The following CFAP61 variants were observed in gnomAD, a reference collection of about 807,000 sequenced individuals.
CFAP61 encodes the protein cilia and flagella associated protein 61.
Under a neutral mutation model 135.6 loss-of-function variants are expected in CFAP61, and 107 were observed. The ratio of observed to expected loss-of-function variants is 0.79; its 90% CI spans 0.67 to 0.93. The LOEUF (loss-of-function observed/expected upper bound fraction) is 0.93, where lower values mean the gene tolerates loss of function less well. CFAP61 is among the 40% of genes least tolerant of loss of function. The probability of loss-of-function intolerance (pLI) is 0.00; values close to 1 mark genes in which losing one functional copy is unlikely to be tolerated. For missense variants in CFAP61, 1,507 were observed against 1,556.2 expected, an observed-to-expected ratio of 0.97 and a Z score of 0.53; for synonymous variants, 575 against 578.5, an observed-to-expected ratio of 0.99 and a Z score of 0.09.
rs183257279 is a variant in CFAP61 at position 20,052,778 on chromosome 20, G to A, written c.-37+187G>A. ...TGGATGCTCGAGGGCGGGGGAAGAA[G>A]GGAGAGCGAGGAAACTACCATTCCC... On this transcript the variant is annotated intron_variant, in intron 1 of 26. Coordinates refer to ENST00000245957, the MANE Select transcript of CFAP61 (RefSeq NM_015585.4). The A allele has an allele frequency of 1.9e-5, 29 of 1,507,676 alleles. No homozygotes were observed. The East Asian group carries it at 6.6e-4, about 34-fold the overall frequency. The allele number at this position is 1,507,676 out of a possible 1,614,324, so 93.4% of individuals were successfully genotyped here.
At chr20:20,150,449 C>G (rs540336342) in intron 9 of CFAP61, among the ~76,000 whole-genome samples, 111 of 152,320 alleles carry the variant, frequency 7.3e-4, no homozygotes, top group Non-Finnish European at 1.4e-3. Context: ...GGCCAACCAA[C>G]TCAGGACATT....
chr20:20,089,280 T>C (rs979021891), intron 6 of CFAP61, among the ~76,000 whole-genome samples: 3 of 152,108 alleles, frequency 2.0e-5, no homozygotes, highest in Non-Finnish European at 4.4e-5. Context: ...CTCATCCCCA[T>C]GGGCCTTGCT....
intron 24 of CFAP61, among the ~76,000 whole-genome samples, chr20:20,291,286 T>C (rs146835934): frequency 1.3e-5 from 2 of 152,354 alleles, no homozygotes; most frequent in East Asian, 3.9e-4. Context: ...GCAGCTTCAC[T>C]GCCCTAAGAA....
chr20:20,114,811 A>T (rs1568933884), intron 8 of CFAP61, among the ~76,000 whole-genome samples: 1 of 152,202 alleles, frequency 6.6e-6, no homozygotes, highest in Non-Finnish European at 1.5e-5. Flanking sequence ...TTGATCTCAG[A>T]ATTAACTGAA....
At chr20:20,199,695 A>G (rs1343180764) in intron 16 of CFAP61, 73 bp from the exon 17 acceptor site, 1 of 1,527,922 alleles carries the variant, frequency 6.5e-7, no homozygotes, top group African/African-American at 1.4e-5. Context: ...TGTATTTGTA[A>G]AGCTGTACGC....
At chr20:20,137,961 C>G (rs2424269) in intron 8 of CFAP61, among the ~76,000 whole-genome samples, 137,165 of 152,112 alleles carry the variant, frequency 0.9, 62,652 homozygotes, top group Middle Eastern at 0.99. Flanking sequence ...TCTTTAGTCA[C>G]CACATGATGA....
chr20:20,074,338 G>A lies in CFAP61; in HGVS notation c.331G>A (p.Val111Met), dbSNP rs376051749. 2.0e-5 allele frequency: 33 copies of A among 1,614,136 alleles called. No individual in the cohort carries two copies. Among genetic ancestry groups the A allele is most frequent in the South Asian group, 7.7e-5 (7 of 91,082 alleles). Reference protein sequence around the residue: ...NTLFMHLFVAVDEYSVGCCKE... With the variant: ...NTLFMHLFVAMDEYSVGCCKE... Reference sequence around the variant, plus strand: ...GTTGTTCATGCACCTCTTTGTGGCCGTGGATGAGTATTCTGTTGGCTGTTG... The same window carrying A: ...GTTGTTCATGCACCTCTTTGTGGCCATGGATGAGTATTCTGTTGGCTGTTG... The change falls in exon 4 of 27, where the codon GTG becomes ATG. Residue 111 changes from valine to methionine, a missense_variant. Transcript: ENST00000245957.
chr20:20,329,988 C>T (rs1335642931), intron 25 of CFAP61, among the ~76,000 whole-genome samples: 1 of 152,164 alleles, frequency 6.6e-6, no homozygotes, highest in Non-Finnish European at 1.5e-5. Context: ...GATGCTGGGC[C>T]CACTGCACAT....
intron 25 of CFAP61, among the ~76,000 whole-genome samples, chr20:20,301,432 G>A (rs1230820896): frequency 6.6e-6 from 1 of 152,090 alleles, no homozygotes; most frequent in Non-Finnish European, 1.5e-5. Flanking sequence ...TGTTTCTCAG[G>A]ACCTATTCCC....
At chr20:20,277,882 A>G (rs764122734) in intron 22 of CFAP61, among the ~76,000 whole-genome samples, 16 of 152,186 alleles carry the variant, frequency 1.1e-4, no homozygotes, top group Non-Finnish European at 1.9e-4. Flanking sequence ...TGGCCCCTTC[A>G]TGGGACTGGC....
chr20:20,277,345 G>A lies in CFAP61; in HGVS notation c.2683G>A (p.Val895Ile). The A allele has an allele frequency of 1.9e-6, 3 of 1,614,204 alleles. No individual in the cohort carries two copies. Among genetic ancestry groups the A allele is most frequent in the Non-Finnish European group, 2.5e-6 (3 of 1,180,036 alleles). ...AVADALGAAG[V>I]TMYRDAILAQ... ...GGCGGACGCGCTAGGAGCCGCCGGA[G>A]TCACTATGTACCGGGATGCGATCCT... Residue 895 changes from valine to isoleucine, a missense_variant, in exon 22 of 27, where the codon GTC becomes ATC. By Grantham distance (29) the Val-to-Ile change is conservative (BLOSUM62 3). Transcript: ENST00000245957.
chr20:20,241,798 A>G (rs1414268044), intron 18 of CFAP61, among the ~76,000 whole-genome samples: 1 of 152,156 alleles, frequency 6.6e-6, no homozygotes, highest in Non-Finnish European at 1.5e-5. Flanking sequence ...TATTATTATT[A>G]TTATTAGCAT....
intron 15 of CFAP61, among the ~76,000 whole-genome samples, chr20:20,193,113 C>CT (rs1361797492): frequency 6.6e-6 from 1 of 152,124 alleles, no homozygotes; most frequent in Non-Finnish European, 1.5e-5. Flanking sequence ...AGAGAACCTG[C>CT]TACACCTTCC....
At chr20:20,245,572 G>A (rs139610697) in intron 18 of CFAP61, among the ~76,000 whole-genome samples, 9 of 152,290 alleles carry the variant, frequency 5.9e-5, no homozygotes, top group East Asian at 1.9e-4. Context: ...GGAGCTACAC[G>A]ATGAGATTTG....
At chr20:20,152,232 A>G (rs977666560) in intron 9 of CFAP61, among the ~76,000 whole-genome samples, 1 of 152,234 alleles carries the variant, frequency 6.6e-6, no homozygotes, top group Non-Finnish European at 1.5e-5. Context: ...ATCTTGAAAC[A>G]AAACTTCAAA....
intron 25 of CFAP61, among the ~76,000 whole-genome samples, chr20:20,335,550 C>T (rs540410469): frequency 6.6e-6 from 1 of 152,180 alleles, no homozygotes; most frequent in African/African-American, 2.4e-5. Flanking sequence ...GGAGATGAGT[C>T]CTCTTTTTCC....
At chr20:20,231,054 C>T (rs974716042) in intron 18 of CFAP61, among the ~76,000 whole-genome samples, 2 of 152,176 alleles carry the variant, frequency 1.3e-5, no homozygotes, top group African/African-American at 4.8e-5. Context: ...GTCTCCTCTT[C>T]AAAGGACACC....
At chr20:20,155,342 A>AT (rs1449519465) in intron 9 of CFAP61, among the ~76,000 whole-genome samples, 1 of 152,158 alleles carries the variant, frequency 6.6e-6, no homozygotes, top group Admixed American at 6.5e-5. Flanking sequence ...ACATTGGAAA[A>AT]AACTCTTCTA....
At chr20:20,325,407 C>G (rs1056454320) in intron 25 of CFAP61, among the ~76,000 whole-genome samples, 5 of 152,210 alleles carry the variant, frequency 3.3e-5, no homozygotes, top group African/African-American at 9.6e-5. Flanking sequence ...CTGCCTCCCC[C>G]ACAAGCTTCT....
Sources: gnomAD v4.1 joint callset for allele counts (sites outside exome capture counted in the v4.1 genomes callset) on GRCh38, gnomAD v4.1.1 for gene constraint, MANE v1.5 for transcripts, NCBI Gene and HGNC (gene_info 2026-07-23, HGNC 2026-07-21) for gene names.